The following PDE1C variants were observed in gnomAD, a reference collection of about 807,000 sequenced individuals.
The protein encoded by PDE1C is phosphodiesterase 1C.
PDE1C carries 62 observed loss-of-function variants against 93.1 expected under a neutral mutation model. The observed-to-expected ratio is 0.67, with a 90% CI of 0.54 to 0.82. PDE1C has a LOEUF of 0.82. PDE1C is among the 40% of genes least tolerant of loss of function. The probability of loss-of-function intolerance (pLI) is 0.00; values close to 1 mark genes in which losing one functional copy is unlikely to be tolerated. For missense variants in PDE1C, 742 were observed against 884.6 expected, an observed-to-expected ratio of 0.84 and a Z score of 2.04; for synonymous variants, 325 against 310.1, an observed-to-expected ratio of 1.05 and a Z score of -0.50.
intron 2 of PDE1C, among the ~76,000 whole-genome samples, chr7:31,947,613 A>G (rs1402370465): frequency 6.6e-6 from 1 of 152,174 alleles, no homozygotes; most frequent in Non-Finnish European, 1.5e-5. Context: ...CCCAAGTATT[A>G]TTTTACAGAG....
At position 32,400,070 on chromosome 7, in the gene PDE1C, T is replaced by C. The variant is rs114126018; in HGVS notation, c.310+27752A>G. On this transcript the variant is annotated intron_variant, in intron 1 of 1. Coordinates refer to the PDE1C transcript ENST00000672256. ...TCCTAGGATAGTCCCATAAAGTAGGTAGAGCTCTAAACCTGGAAATTTCAT... is the reference window on the plus strand; with the variant it reads ...TCCTAGGATAGTCCCATAAAGTAGGCAGAGCTCTAAACCTGGAAATTTCAT... Among the ~76,000 whole-genome samples the C allele has an allele frequency of 2.2e-3, 338 of 152,276 alleles. 3 individuals are homozygous for C. Among genetic ancestry groups the C allele is most frequent in the African/African-American group, 7.7e-3 (322 of 41,558 alleles).
Position 32,112,844 on chromosome 7 carries a change from GTGTATATATATATATA to G in PDE1C, c.308+56925_308+56940del, listed in dbSNP as rs1321427811. On this transcript the variant is annotated intron_variant, in intron 3 of 18. Coordinates refer to the PDE1C transcript ENST00000396193. Reference sequence around the variant, plus strand: ...TGTGTGTGTGTGTGTGTGTGTGTGTGTGTATATATATATATATATATATATATATCTCAAACTCCTG... The same window carrying G: ...TGTGTGTGTGTGTGTGTGTGTGTGTGTATATATATATATCTCAAACTCCTG... Among the ~76,000 whole-genome samples the G allele has an allele frequency of 6.3e-3, 341 of 54,136 alleles. 2 individuals carry two copies. Among genetic ancestry groups the G allele is most frequent in the African/African-American group, 0.023 (331 of 14,262 alleles). 35.5% of individuals were successfully genotyped at this position (54,136 alleles called of 152,430 possible). A position where few individuals can be genotyped will look rare whatever the true frequency, so the allele number is the denominator to read the frequency against.
At chr7:32,198,642 TAAAG>T (rs1053592986) in intron 2 of PDE1C, among the ~76,000 whole-genome samples, 1 of 152,068 alleles carries the variant, frequency 6.6e-6, no homozygotes, top group Non-Finnish European at 1.5e-5. Context: ...GAAAAAGCGA[TAAAG>T]AAGAAAGGGG....
chr7:31,928,238 GA>G (rs1480625283), intron 2 of PDE1C, among the ~76,000 whole-genome samples: 1 of 152,042 alleles, frequency 6.6e-6, no homozygotes, highest in African/African-American at 2.4e-5. Context: ...CAAGATTAGA[GA>G]AAAAAGAATG....
At chr7:32,166,495 A>T (rs898877193) in intron 3 of PDE1C, among the ~76,000 whole-genome samples, 1 of 152,182 alleles carries the variant, frequency 6.6e-6, no homozygotes, top group Non-Finnish European at 1.5e-5. Flanking sequence ...GCTCCAATAC[A>T]TAGAGTATGC....
At chr7:32,140,901 T>C (rs917349282) in intron 3 of PDE1C, among the ~76,000 whole-genome samples, 22 of 152,246 alleles carry the variant, frequency 1.4e-4, no homozygotes, top group Admixed American at 2.6e-4. Flanking sequence ...AATAATTATA[T>C]GCTAAGTGGT....
At chr7:32,289,197 G>A (rs554263144) in intron 1 of PDE1C, among the ~76,000 whole-genome samples, 10 of 152,274 alleles carry the variant, frequency 6.6e-5, no homozygotes, top group South Asian at 6.2e-4. Context: ...TTGAGCCCAC[G>A]AGTTGAAGAC....
intron 1 of PDE1C, among the ~76,000 whole-genome samples, chr7:32,240,851 G>T (rs901748171): frequency 2.6e-5 from 4 of 152,126 alleles, no homozygotes; most frequent in African/African-American, 9.7e-5. Context: ...ACAAGATTCA[G>T]TCAAGAGAAA....
intron 15 of PDE1C, among the ~76,000 whole-genome samples, chr7:31,814,297 A>G (rs1468992541): frequency 6.6e-6 from 1 of 152,032 alleles, no homozygotes; most frequent in African/African-American, 2.4e-5. Flanking sequence ...AAAAATTCTT[A>G]TTAAATTCTT....
At chr7:32,113,065 T>A (rs1240274405) in intron 3 of PDE1C, among the ~76,000 whole-genome samples, 1 of 149,458 alleles carries the variant, frequency 6.7e-6, no homozygotes, top group Admixed American at 6.7e-5. Flanking sequence ...GCATCAAATC[T>A]TCTACAAATT....
At chr7:31,627,852 AT>A in the PDE1C span, among the ~76,000 whole-genome samples, 1 of 152,132 alleles carries the variant, frequency 6.6e-6, no homozygotes. Context: ...AAAAGATACA[AT>A]TTTAAGTGAA....
At chr7:31,712,149 T>G in the PDE1C span, among the ~76,000 whole-genome samples, 2 of 152,226 alleles carry the variant, frequency 1.3e-5, no homozygotes, top group African/African-American at 2.4e-5. Flanking sequence ...GTATAACTGA[T>G]TAGTGTTTGT....
chr7:31,759,402 T>A (rs1794687743), intron 17 of PDE1C, among the ~76,000 whole-genome samples: 1 of 152,090 alleles, frequency 6.6e-6, no homozygotes, highest in African/African-American at 2.4e-5. Flanking sequence ...CAACCAGTCG[T>A]ACAATCCCCG....
the PDE1C span, among the ~76,000 whole-genome samples, chr7:31,739,005 C>T: frequency 6.7e-6 from 1 of 150,206 alleles, no homozygotes; most frequent in African/African-American, 2.5e-5. Flanking sequence ...CCCCACACCC[C>T]TGCCCCCCAC....
At chr7:31,710,653 G>A in the PDE1C span, among the ~76,000 whole-genome samples, 4 of 152,176 alleles carry the variant, frequency 2.6e-5, no homozygotes, top group Non-Finnish European at 5.9e-5. Context: ...GTTACATGAT[G>A]GATTTTGTAG....
the PDE1C span, among the ~76,000 whole-genome samples, chr7:31,626,907 A>C: frequency 3.3e-5 from 5 of 152,278 alleles, no homozygotes; most frequent in South Asian, 2.1e-4. Flanking sequence ...GGATAAACAA[A>C]TAAATATAGC....
chr7:32,347,711 A>C (rs1783882138), intron 1 of PDE1C, among the ~76,000 whole-genome samples: 1 of 152,194 alleles, frequency 6.6e-6, no homozygotes, highest in African/African-American at 2.4e-5. Flanking sequence ...ATTTCAGAGA[A>C]GTCTTTATTT....
chr7:32,359,226 C>T (rs1784087497), intron 1 of PDE1C, among the ~76,000 whole-genome samples: 1 of 152,112 alleles, frequency 6.6e-6, no homozygotes, highest in Admixed American at 6.6e-5. Flanking sequence ...TTCCCCGAAC[C>T]CTGCTCCTTG....
intron 1 of PDE1C, among the ~76,000 whole-genome samples, chr7:32,326,674 A>C (rs1177750284): frequency 1.3e-5 from 2 of 152,204 alleles, no homozygotes; most frequent in Non-Finnish European, 2.9e-5. Context: ...CCTGGATTAG[A>C]GTAGGTTTGA....
Sources: allele counts gnomAD v4.1 joint callset (sites outside exome capture counted in the v4.1 genomes callset), GRCh38; gene constraint gnomAD v4.1.1; transcripts MANE v1.5; gene names NCBI Gene and HGNC (gene_info 2026-07-23, HGNC 2026-07-21).